Variants in PPHLN1 observed in about 807,000 individuals in gnomAD.
The protein encoded by PPHLN1 is periphilin-1.
Under a neutral mutation model 51.3 loss-of-function variants are expected in PPHLN1, and 29 were observed. The observed-to-expected ratio is 0.57, with a 90% CI of 0.42 to 0.77. The LOEUF is 0.77. PPHLN1 is among the 30% of genes least tolerant of loss of function. The pLI, the probability that PPHLN1 is intolerant of heterozygous loss-of-function variation, is 0.00. For synonymous variants in PPHLN1, 147 were observed against 147.8 expected, an observed-to-expected ratio of 0.99 and a Z score of 0.04; for missense variants, 436 against 438.4, an observed-to-expected ratio of 0.99 and a Z score of 0.05.
chr12:42,331,651 A>G (rs2069753863), intron 1 of PPHLN1: 1 of 152,230 alleles, frequency 6.6e-6, no homozygotes, highest in Non-Finnish European at 1.5e-5. Context: ...ATCCATAACC[A>G]GTTATTAGCG....
intron 5 of PPHLN1, among the ~76,000 whole-genome samples, chr12:42,381,650 G>GTCTC (rs2076766999): frequency 6.6e-6 from 1 of 152,026 alleles, no homozygotes. Flanking sequence ...TTTTTCTTGT[G>GTCTC]TCTCTCCATT....
chr12:42,407,093 A>G (rs748476509), intron 9 of PPHLN1, among the ~76,000 whole-genome samples: 6 of 152,194 alleles, frequency 3.9e-5, no homozygotes, highest in Non-Finnish European at 8.8e-5. Context: ...TCATTATTAT[A>G]GCTTTTATAA....
intron 1 of PPHLN1, among the ~76,000 whole-genome samples, chr12:42,326,954 C>T (rs889406135): frequency 2.6e-5 from 4 of 152,198 alleles, no homozygotes; most frequent in Non-Finnish European, 4.4e-5. Flanking sequence ...AAGCCGATGT[C>T]TTCTATAGAG....
chr12:42,424,961 A>ATGTT (rs2081303111), intron 9 of PPHLN1, among the ~76,000 whole-genome samples: 1 of 152,336 alleles, frequency 6.6e-6, no homozygotes, highest in Admixed American at 6.5e-5. Flanking sequence ...GAAATTTCAT[A>ATGTT]GTAACAAAAG....
chr12:42,391,220 G>C (rs957352708), intron 7 of PPHLN1, among the ~76,000 whole-genome samples: 1 of 152,086 alleles, frequency 6.6e-6, no homozygotes, highest in East Asian at 1.9e-4. Flanking sequence ...ATGACAATAA[G>C]TTATAGTAGG....
intron 2 of PPHLN1, among the ~76,000 whole-genome samples, chr12:42,342,019 C>G (rs1026321906): frequency 5.3e-5 from 8 of 152,094 alleles, no homozygotes; most frequent in African/African-American, 1.9e-4. Context: ...AGGTAGCAGA[C>G]TAAAGTTCAA....
intron 9 of PPHLN1, among the ~76,000 whole-genome samples, chr12:42,418,240 T>C (rs2080640263): frequency 8.1e-6 from 1 of 123,174 alleles, no homozygotes; most frequent in African/African-American, 3.1e-5. Context: ...TTTTTTTTAA[T>C]CAACGCAGGA....
chr12:42,390,960 C>T (rs1159821562), intron 7 of PPHLN1, among the ~76,000 whole-genome samples: 2 of 151,962 alleles, frequency 1.3e-5, no homozygotes, highest in Non-Finnish European at 2.9e-5. Flanking sequence ...GCCACTGTGC[C>T]TAGCCAGACT....
intron 9 of PPHLN1, among the ~76,000 whole-genome samples, chr12:42,429,785 A>T (rs1358402385): frequency 3.9e-5 from 6 of 152,222 alleles, no homozygotes; most frequent in Non-Finnish European, 7.3e-5. Context: ...TATCTAACCC[A>T]TATCGAGAAG....
chr12:42,432,002 T>C, intron 9 of PPHLN1: 1 of 1,485,986 alleles, frequency 6.7e-7, no homozygotes, highest in Non-Finnish European at 9.4e-7. Context: ...GATTATCAAG[T>C]ACGCTGTATG....
intron 8 of PPHLN1, among the ~76,000 whole-genome samples, chr12:42,397,992 T>C (rs1052102181): frequency 1.8e-4 from 27 of 150,680 alleles, no homozygotes; most frequent in African/African-American, 6.3e-4. Context: ...TTTTTTTTGG[T>C]AGATCATACA....
chr12:42,409,141 A>G (rs934332810), intron 9 of PPHLN1, among the ~76,000 whole-genome samples: 2 of 152,102 alleles, frequency 1.3e-5, no homozygotes, highest in Non-Finnish European at 2.9e-5. Context: ...TTTTTGGACC[A>G]TGGTTGACCT....
chr12:42,391,712 A>G (rs1278687309), intron 7 of PPHLN1, among the ~76,000 whole-genome samples: 1 of 149,894 alleles, frequency 6.7e-6, no homozygotes, highest in East Asian at 1.9e-4. Flanking sequence ...ACCTTCTATT[A>G]CTGAGTAATA....
intron 9 of PPHLN1, among the ~76,000 whole-genome samples, chr12:42,421,935 A>G (rs2081043526): frequency 6.6e-6 from 1 of 152,114 alleles, no homozygotes; most frequent in Non-Finnish European, 1.5e-5. Context: ...TGTGAATAAG[A>G]AAGTTTAGAA....
At chr12:42,392,826 A>G (rs1011801564) in intron 7 of PPHLN1, among the ~76,000 whole-genome samples, 32 of 151,962 alleles carry the variant, frequency 2.1e-4, no homozygotes, top group Middle Eastern at 3.4e-3. Flanking sequence ...TAAGGTACCA[A>G]GCATTATTGT....
chr12:42,331,161 G>A (rs1378769956), intron 1 of PPHLN1, among the ~76,000 whole-genome samples: 1 of 152,210 alleles, frequency 6.6e-6, no homozygotes, highest in Non-Finnish European at 1.5e-5. Context: ...GAAGTTTGAG[G>A]TCAATGTGAC....
At chr12:42,352,962 G>T (rs754433402) in intron 3 of PPHLN1, among the ~76,000 whole-genome samples, 13 of 151,982 alleles carry the variant, frequency 8.6e-5, no homozygotes, top group Non-Finnish European at 8.8e-5. Context: ...GGTGGTGGGT[G>T]CCTGTAATCC....
At chr12:42,358,852 G>A (rs368728505) in intron 4 of PPHLN1, among the ~76,000 whole-genome samples, 4 of 151,832 alleles carry the variant, frequency 2.6e-5, no homozygotes, top group South Asian at 2.1e-4. Context: ...TAGTTTTTAC[G>A]AGATAGGTTA....
At chr12:42,363,675 A>G (rs1370335661) in intron 4 of PPHLN1, among the ~76,000 whole-genome samples, 2 of 151,718 alleles carry the variant, frequency 1.3e-5, no homozygotes, top group African/African-American at 2.4e-5. Flanking sequence ...GAAAGTGATC[A>G]CTTTCATATT....
Sources: gnomAD v4.1 joint callset for allele counts (sites outside exome capture counted in the v4.1 genomes callset) on GRCh38, gnomAD v4.1.1 for gene constraint, MANE v1.5 for transcripts, NCBI Gene and HGNC (gene_info 2026-07-23, HGNC 2026-07-21) for gene names.